Variants in TPST1 observed in about 807,000 individuals in gnomAD.
TPST1 encodes protein-tyrosine sulfotransferase 1.
In TPST1, 20 loss-of-function variants were observed where a neutral mutation model predicts 34.8. The observed-to-expected ratio is 0.57, with a 90% CI of 0.40 to 0.84. The LOEUF is 0.84. TPST1 is among the 40% of genes least tolerant of loss of function. TPST1 has a pLI of 0.00. For synonymous variants in TPST1, 152 were observed against 159.4 expected (o/e 0.95, Z 0.35); for missense variants, 353 against 455.5 (o/e 0.78, Z 2.05).
intron 3 of TPST1, among the ~76,000 whole-genome samples, chr7:66,329,372 T>C: frequency 6.6e-6 from 1 of 152,218 alleles, no homozygotes; most frequent in East Asian, 1.9e-4. Context: ...AGAGAATTAT[T>C]GTTAAAATTT....
intron 3 of TPST1, among the ~76,000 whole-genome samples, chr7:66,293,035 T>A (rs1293156907): frequency 1.3e-5 from 2 of 151,996 alleles, no homozygotes; most frequent in African/African-American, 2.4e-5. Context: ...TGAAACCCCT[T>A]CTCTACTAAA....
At chr7:66,214,193 C>T (rs1307178584) in intron 1 of TPST1, among the ~76,000 whole-genome samples, 1 of 152,068 alleles carries the variant, frequency 6.6e-6, no homozygotes, top group East Asian at 1.9e-4. Flanking sequence ...TCCTACTCTT[C>T]ATCCTCTCCA....
At chr7:66,333,307 A>T (rs75873117) in intron 3 of TPST1, among the ~76,000 whole-genome samples, 1 of 152,254 alleles carries the variant, frequency 6.6e-6, no homozygotes, top group Non-Finnish European at 1.5e-5. Flanking sequence ...GAAACATACC[A>T]CCACTGCCAC....
chr7:66,241,131 T>C lies in TPST1; in HGVS notation c.706T>C (p.Leu236=). 6.2e-7 allele frequency: 1 copy of C among 1,614,154 alleles called. No homozygotes were observed. The highest frequency in any genetic ancestry group is 1.3e-5 in the African/African-American group (1 of 75,026). ...GGAGGTTGGTTATAAAAAGTGCATG[T>C]TGGTTCACTATGAACAACTTGTCTT... ...CMEVGYKKCM[L]VHYEQLVLHP... The change falls in exon 2 of 6, where the codon TTG becomes CTG. Residue 236 remains leucine, a synonymous_variant. Coordinates refer to ENST00000304842, the MANE Select transcript of TPST1 (RefSeq NM_003596.4).
In TPST1 at chr7:66,219,289, A is replaced by G. The variant is rs181245462; in HGVS notation, c.-102+13767A>G. On this transcript the variant is annotated intron_variant, in intron 1 of 5. Transcript: ENST00000304842. ...CTCCAAGTAATTTTGGGCTAGAGGC[A>G]TAATTTCCCACAACAAACATGGGAA... Among the ~76,000 whole-genome samples, 344 of 152,280 alleles carry G rather than the reference A, an allele frequency of 2.3e-3. 2 individuals carry two copies. The highest frequency in any genetic ancestry group is 7.9e-3 in the African/African-American group (327 of 41,572).
chr7:66,221,338 G>A (rs1789538907), intron 1 of TPST1, among the ~76,000 whole-genome samples: 1 of 152,088 alleles, frequency 6.6e-6, no homozygotes, highest in South Asian at 2.1e-4. Context: ...AGAATTGACG[G>A]GACTTTACCA....
At chr7:66,212,244 T>C (rs1417470710) in intron 1 of TPST1, among the ~76,000 whole-genome samples, 1 of 152,206 alleles carries the variant, frequency 6.6e-6, no homozygotes, top group Non-Finnish European at 1.5e-5. Flanking sequence ...ACTGTCAATT[T>C]GATAAAAGAT....
Position 66,268,007 on chromosome 7 carries a change from C to T in TPST1, c.846-18504C>T, listed in dbSNP as rs574857584. ...TCCATCTATCACCCAGGCTGGAGTGCAGTGGTACAGTCTTGGCTCACTGCA... is the reference window on the plus strand; with the variant it reads ...TCCATCTATCACCCAGGCTGGAGTGTAGTGGTACAGTCTTGGCTCACTGCA... On this transcript the variant is annotated intron_variant, in intron 2 of 5. Transcript: ENST00000304842. Among the ~76,000 whole-genome samples the T allele has an allele frequency of 3.0e-4, 46 of 151,926 alleles. 2 individuals carry two copies. In the South Asian group the frequency reaches 9.0e-3, roughly 30 times the overall value.
chr7:66,254,266 C>T (rs960311084), intron 2 of TPST1, among the ~76,000 whole-genome samples: 11 of 152,050 alleles, frequency 7.2e-5, no homozygotes, highest in African/African-American at 2.7e-4. Flanking sequence ...TTATTTAGGT[C>T]GTCTACAATA....
chr7:66,317,673 G>A (rs565540109), intron 3 of TPST1, among the ~76,000 whole-genome samples: 6 of 151,880 alleles, frequency 4.0e-5, no homozygotes, highest in Admixed American at 2.6e-4. Flanking sequence ...TCTAGGAAGT[G>A]TAGGGCTTTT....
chr7:66,234,752 C>G (rs564936571), intron 1 of TPST1, among the ~76,000 whole-genome samples: 1 of 152,320 alleles, frequency 6.6e-6, no homozygotes, highest in South Asian at 2.1e-4. Context: ...TCTCAGCTCA[C>G]TGCAAGCTCC....
chr7:66,254,292 G>A (rs1157434759), intron 2 of TPST1, among the ~76,000 whole-genome samples: 1 of 152,134 alleles, frequency 6.6e-6, no homozygotes, highest in African/African-American at 2.4e-5. Context: ...TGATGGTATT[G>A]TATTTTATAA....
intron 1 of TPST1, among the ~76,000 whole-genome samples, chr7:66,218,974 C>G (rs1236057654): frequency 1.3e-5 from 2 of 151,614 alleles, no homozygotes; most frequent in African/African-American, 4.8e-5. Context: ...TCTGCCTCCC[C>G]GGTTTAAGCA....
At chr7:66,329,999 G>A (rs1026537924) in intron 3 of TPST1, among the ~76,000 whole-genome samples, 1 of 152,114 alleles carries the variant, frequency 6.6e-6, no homozygotes, top group Non-Finnish European at 1.5e-5. Flanking sequence ...ATTGGGTACT[G>A]TGCTCACTAC....
chr7:66,218,760 C>T (rs770014905), intron 1 of TPST1, among the ~76,000 whole-genome samples: 31 of 151,586 alleles, frequency 2.0e-4, no homozygotes, highest in African/African-American at 5.6e-4. Context: ...GGCAGGAGAA[C>T]GGCATGAACT....
At chr7:66,271,645 A>G (rs1314674265) in intron 2 of TPST1, among the ~76,000 whole-genome samples, 2 of 152,118 alleles carry the variant, frequency 1.3e-5, no homozygotes, top group Non-Finnish European at 2.9e-5. Context: ...TGTCTAATTT[A>G]TTTCACTTAG....
rs1383781652 is a variant in TPST1 at position 66,356,889 on chromosome 7, T to C, written c.*29+18T>C. 1.2e-6 allele frequency: 2 copies of C among 1,613,624 alleles called. No homozygotes were observed. Among genetic ancestry groups the C allele is most frequent in the Non-Finnish European group, 1.7e-6 (2 of 1,179,786 alleles). On this transcript the variant is annotated intron_variant, in intron 5 of 5. Transcript: ENST00000304842. ...TACATGAGGTGAGGGTTGGGGGACA[T>C]TGCCAGGTCTTTCTGTTTCCCACTC... is the stretch of plus-strand genomic sequence containing the variant.
intron 3 of TPST1, among the ~76,000 whole-genome samples, chr7:66,295,132 A>G (rs1477454400): frequency 1.3e-5 from 2 of 152,200 alleles, no homozygotes; most frequent in East Asian, 1.9e-4. Flanking sequence ...GGTAGGATCA[A>G]TAAAAATAGA....
At chr7:66,203,001 G>C (rs543809063), upstream of TPST1, among the ~76,000 whole-genome samples, 4 of 152,058 alleles carry the variant, frequency 2.6e-5, no homozygotes, top group Non-Finnish European at 1.5e-5. Context: ...ACTTGAACTC[G>C]GGAGGCGGAG....
Sources: gnomAD v4.1 joint callset for allele counts (sites outside exome capture counted in the v4.1 genomes callset) on GRCh38, gnomAD v4.1.1 for gene constraint, MANE v1.5 for transcripts, NCBI Gene and HGNC (gene_info 2026-07-23, HGNC 2026-07-21) for gene names.